The following TTC1 variants were observed in gnomAD, a reference collection of about 807,000 sequenced individuals.
TTC1 encodes tetratricopeptide repeat domain 1.
TTC1 carries 31 observed loss-of-function variants against 37.6 expected under a neutral mutation model. The observed-to-expected ratio is 0.82, with a 90% CI of 0.62 to 1.11. The LOEUF is 1.11. Ranked by LOEUF, TTC1 falls within the 50% of genes most tolerant of loss-of-function variation. The pLI, the probability that TTC1 is intolerant of heterozygous loss-of-function variation, is 0.00. For synonymous variants in TTC1, 127 were observed against 122.4 expected, an observed-to-expected ratio of 1.04 and a Z score of -0.25; for missense variants, 351 against 339.0, an observed-to-expected ratio of 1.04 and a Z score of -0.28.
Position 160,022,138 on chromosome 5 carries a change from T to C in TTC1, c.330+11280T>C, listed in dbSNP as rs1389216254. On this transcript the variant is annotated intron_variant, in intron 2 of 7. Transcript: ENST00000231238. ...TGCTTACCATAGGATTATTTAAATATGAGATTATTTTTTAAATGTATTTCA... is the reference window on the plus strand; with the variant it reads ...TGCTTACCATAGGATTATTTAAATACGAGATTATTTTTTAAATGTATTTCA... 3.3e-5 allele frequency among the ~76,000 whole-genome samples: 5 copies of C among 152,340 alleles called. No homozygotes were observed. In the East Asian group the frequency reaches 9.6e-4, roughly 29 times the overall value.
In TTC1 at chr5:160,049,508, T is replaced by C. The variant is rs1232018872; in HGVS notation, c.542-6T>C. The C allele has an allele frequency of 3.2e-6, 5 of 1,562,058 alleles. No individual in the cohort carries two copies. Among genetic ancestry groups the C allele is most frequent in the Non-Finnish European group, 4.3e-6 (5 of 1,161,758 alleles). Reference sequence around the variant, plus strand: ...GTGATAAAAATTATTTCTTCTCTTTTTACAGCAATTCAATTAAACCCCAGC... The same window carrying C: ...GTGATAAAAATTATTTCTTCTCTTTCTACAGCAATTCAATTAAACCCCAGC... On this transcript the variant is annotated splice_region_variant and splice_polypyrimidine_tract_variant and intron_variant, in intron 5 of 7. Coordinates refer to ENST00000231238, the MANE Select transcript of TTC1 (RefSeq NM_003314.3).
chr5:160,028,028 G>T (rs1357176050), intron 2 of TTC1, among the ~76,000 whole-genome samples: 1 of 152,018 alleles, frequency 6.6e-6, no homozygotes. Flanking sequence ...GGCCGGGCGC[G>T]GTGGCTCATG....
intron 7 of TTC1, among the ~76,000 whole-genome samples, chr5:160,058,462 G>C (rs1210690063): frequency 6.7e-6 from 1 of 148,780 alleles, no homozygotes; most frequent in African/African-American, 2.5e-5. Context: ...CCAGGCTGGA[G>C]TGCAGTGGTG....
intron 2 of TTC1, among the ~76,000 whole-genome samples, chr5:160,015,369 C>T (rs1756582283): frequency 6.6e-6 from 1 of 152,028 alleles, no homozygotes; most frequent in Non-Finnish European, 1.5e-5. Flanking sequence ...TCCACCACAC[C>T]TTGCTAAATT....
chr5:160,034,364 A>G (rs1342905756), intron 2 of TTC1, among the ~76,000 whole-genome samples: 3 of 152,126 alleles, frequency 2.0e-5, no homozygotes, highest in Non-Finnish European at 4.4e-5. Flanking sequence ...GTTTTTGGCC[A>G]TCTATGTGAG....
At position 160,018,974 on chromosome 5, in the gene TTC1, A is replaced by G. The variant is rs368285475; in HGVS notation, c.330+8116A>G. On this transcript the variant is annotated intron_variant, in intron 2 of 7. Transcript: ENST00000231238. ...ATGATTCCTTGTCTTCAGCTACTGGATGGATGGTGTGGCCTTTATTAATAT... is the reference window on the plus strand; with the variant it reads ...ATGATTCCTTGTCTTCAGCTACTGGGTGGATGGTGTGGCCTTTATTAATAT... 1.2e-4 allele frequency among the ~76,000 whole-genome samples: 19 copies of G among 152,294 alleles called. No individual in the cohort carries two copies. The South Asian group carries it at 3.7e-3, about 30-fold the overall frequency.
chr5:160,009,597 CATAA>C (rs142556060), intron 1 of TTC1, among the ~76,000 whole-genome samples: 36 of 151,912 alleles, frequency 2.4e-4, no homozygotes, highest in African/African-American at 6.3e-4. Context: ...GGGATGAAAA[CATAA>C]ATAAATAAAT....
intron 4 of TTC1, among the ~76,000 whole-genome samples, chr5:160,041,223 C>T (rs1757086473): frequency 6.6e-6 from 1 of 151,726 alleles, no homozygotes; most frequent in Non-Finnish European, 1.5e-5. Flanking sequence ...GGAGTACACT[C>T]TTAACATAAT....
intron 2 of TTC1, among the ~76,000 whole-genome samples, chr5:160,014,790 G>A (rs938307931): frequency 2.0e-5 from 3 of 152,184 alleles, no homozygotes; most frequent in African/African-American, 7.2e-5. Flanking sequence ...TGATTCTCTT[G>A]TAGCCATTTA....
chr5:160,027,502 T>C (rs527826821), intron 2 of TTC1, among the ~76,000 whole-genome samples: 1 of 152,356 alleles, frequency 6.6e-6, no homozygotes, highest in South Asian at 2.1e-4. Flanking sequence ...TATAATCTTT[T>C]GTCTTTTAAA....
chr5:160,048,949 TAA>T (rs34060683), intron 5 of TTC1, among the ~76,000 whole-genome samples: 8 of 149,858 alleles, frequency 5.3e-5, no homozygotes, highest in African/African-American at 7.4e-5. Context: ...AGACTCCGTC[TAA>T]AAAAAAAAAA....
intron 7 of TTC1, among the ~76,000 whole-genome samples, chr5:160,061,248 C>G (rs1385490559): frequency 6.6e-6 from 1 of 152,208 alleles, no homozygotes; most frequent in Non-Finnish European, 1.5e-5. Context: ...GCCTTTGGTG[C>G]CTGGTTCAAG....
At chr5:160,052,643 G>A (rs1008194038) in intron 7 of TTC1, among the ~76,000 whole-genome samples, 11 of 150,604 alleles carry the variant, frequency 7.3e-5, no homozygotes, top group Non-Finnish European at 1.0e-4. Context: ...AGTGGATCTG[G>A]AAGGCATTGG....
At chr5:160,015,137 A>G (rs2113342277) in intron 2 of TTC1, among the ~76,000 whole-genome samples, 1 of 152,278 alleles carries the variant, frequency 6.6e-6, no homozygotes, top group African/African-American at 2.4e-5. Flanking sequence ...AGAGGGTTGG[A>G]ACTTTTGGCA....
Position 160,051,490 on chromosome 5 carries a change from G to A in TTC1, c.745+307G>A, listed in dbSNP as rs139992151. 8.6e-4 allele frequency among the ~76,000 whole-genome samples: 131 copies of A among 152,236 alleles called. 1 individual carries two copies. Among genetic ancestry groups the A allele is most frequent in the Non-Finnish European group, 6.0e-4 (41 of 68,022 alleles). On this transcript the variant is annotated intron_variant, in intron 7 of 7. Transcript: ENST00000231238. Reference sequence around the variant, plus strand: ...AAAATCCTAGGATACCACCAACCTCGATTTCAGATAACAATTACATAAAAA... The same window carrying A: ...AAAATCCTAGGATACCACCAACCTCAATTTCAGATAACAATTACATAAAAA...
At chr5:160,010,987 G>A (rs906406777) in intron 2 of TTC1, 129 bp downstream of exon 2, 13 of 869,552 alleles carry the variant, frequency 1.5e-5, no homozygotes, top group Middle Eastern at 3.6e-4. Context: ...TATGGCTTTA[G>A]TAGTGTTGGA....
chr5:160,025,142 C>G (rs1756779149), intron 2 of TTC1, among the ~76,000 whole-genome samples: 1 of 152,248 alleles, frequency 6.6e-6, no homozygotes, highest in African/African-American at 2.4e-5. Context: ...ATTCTCCTGC[C>G]TCAGCCTCCC....
chr5:160,018,999 T>C (rs772648584), intron 2 of TTC1, among the ~76,000 whole-genome samples: 21 of 152,356 alleles, frequency 1.4e-4, no homozygotes, highest in Non-Finnish European at 2.8e-4. Context: ...TTTATTAATA[T>C]GAAGAAGATG....
At chr5:160,024,909 C>G (rs540137155) in intron 2 of TTC1, among the ~76,000 whole-genome samples, 1 of 152,194 alleles carries the variant, frequency 6.6e-6, no homozygotes, top group South Asian at 2.1e-4. Context: ...TTCCATAATT[C>G]CACTGTAGCC....
Sources: allele counts gnomAD v4.1 joint callset (sites outside exome capture counted in the v4.1 genomes callset), GRCh38; gene constraint gnomAD v4.1.1; transcripts MANE v1.5; gene names NCBI Gene and HGNC (gene_info 2026-07-23, HGNC 2026-07-21).